CDNF: variants seen among roughly 807,000 people sequenced by gnomAD.
The protein encoded by CDNF is ARMET-like protein 1.
CDNF carries 9 observed loss-of-function variants against 14.8 expected under a neutral mutation model. The observed-to-expected ratio is 0.61, with a 90% CI of 0.37 to 1.06. CDNF has a LOEUF of 1.06. Ranked by LOEUF, CDNF falls within the 50% of genes least tolerant of loss-of-function variation. CDNF has a pLI of 0.01. For synonymous variants in CDNF, 86 were observed against 87.2 expected, an observed-to-expected ratio of 0.99 and a Z score of 0.07; for missense variants, 228 against 228.4, an observed-to-expected ratio of 1.00 and a Z score of 0.01.
Position 14,838,015 on chromosome 10 carries a change from G to C in CDNF, c.-69C>G. ...GCCCACCAAGCTGCCAAAGCGAGCT[G>C]AGCAGAATTCGAGGTTGGAAAGAAT... On this transcript the variant is annotated 5_prime_UTR_variant, in exon 1 of 4. Coordinates refer to ENST00000465530, the MANE Select transcript of CDNF (RefSeq NM_001029954.3). 1.7e-6 allele frequency: 2 copies of C among 1,203,248 alleles called. No homozygotes were observed. The highest frequency in any genetic ancestry group is 2.4e-6 in the Non-Finnish European group (2 of 842,318). 74.5% of individuals were successfully genotyped at this position (1,203,248 alleles called of 1,614,324 possible).
At position 14,829,287 on chromosome 10, in the gene CDNF, A is replaced by G. The variant is rs920537490; in HGVS notation, c.116-1015T>C. ...TGAATGAAGCCCCTTGGTGATCTGCATAAGTCTTTATTTCCATCGTTATGA... is the reference window on the plus strand; with the variant it reads ...TGAATGAAGCCCCTTGGTGATCTGCGTAAGTCTTTATTTCCATCGTTATGA... On this transcript the variant is annotated intron_variant, in intron 1 of 3. Coordinates refer to ENST00000465530, the MANE Select transcript of CDNF (RefSeq NM_001029954.3). Among the ~76,000 whole-genome samples, 6 of 152,354 alleles carry G rather than the reference A, an allele frequency of 3.9e-5. No homozygotes were observed. The South Asian group carries it at 8.3e-4, about 21-fold the overall frequency.
At chr10:14,837,195 G>A (rs1361778179) in intron 1 of CDNF, among the ~76,000 whole-genome samples, 1 of 152,148 alleles carries the variant, frequency 6.6e-6, no homozygotes, top group East Asian at 1.9e-4. Flanking sequence ...AGTGAAGTAC[G>A]CTGATTTTGC....
intron 2 of CDNF, among the ~76,000 whole-genome samples, chr10:14,827,442 A>G (rs988015408): frequency 3.3e-5 from 5 of 152,090 alleles, no homozygotes; most frequent in African/African-American, 1.2e-4. Context: ...TAATGTGATT[A>G]GAAGAAAATA....
chr10:14,837,789 A>T, intron 1 of CDNF, 43 bp downstream of exon 1: 1 of 1,263,820 alleles, frequency 7.9e-7, no homozygotes. Flanking sequence ...GCTGCGCCGC[A>T]GCGCGGGGCC....
At chr10:14,823,463 C>T (rs1833754305) in intron 3 of CDNF, among the ~76,000 whole-genome samples, 2 of 152,196 alleles carry the variant, frequency 1.3e-5, no homozygotes, top group Non-Finnish European at 2.9e-5. Context: ...AAGGTATTCA[C>T]AACAAATTTG....
In CDNF at chr10:14,820,097, C is replaced by A. The variant is rs1353533049; in HGVS notation, c.447G>T (p.Gln149His). The change falls in exon 4 of 4, where the codon CAG (glutamine) becomes CAT (histidine). Residue 149 changes from glutamine to histidine, a missense_variant. Transcript: ENST00000465530. ...LRKMRVAELK[Q>H]ILHSWGEECR... ...ACTCCTCCCCCCAGCTATGCAGGAT[C>A]TGCTTCAGCTCTGCCACTCTCATCT... The A allele has an allele frequency of 6.2e-7, 1 of 1,614,214 alleles. No individual in the cohort carries two copies. Among genetic ancestry groups the A allele is most frequent in the South Asian group, 1.1e-5 (1 of 91,088 alleles).
At chr10:14,826,299 CAGCAGCAGAAGAAGCAGCAGAAGT>C (rs1564313715) in intron 2 of CDNF, among the ~76,000 whole-genome samples, 1 of 147,752 alleles carries the variant, frequency 6.8e-6, no homozygotes. Flanking sequence ...GCAGCAGAAG[CAGCAGCAGAAGAAGCAGCAGAAGT>C]GGAGGAATCA....
rs1833910464 is a variant in CDNF at position 14,837,976 on chromosome 10, C to T, written c.-30G>A. 6.7e-7 allele frequency: 1 copy of T among 1,492,036 alleles called. No homozygotes were observed. The highest frequency in any genetic ancestry group is 9.1e-7 in the Non-Finnish European group (1 of 1,095,664). The allele number at this position is 1,492,036 out of a possible 1,614,324, so 92.4% of individuals were successfully genotyped here. A position where few individuals can be genotyped will look rare whatever the true frequency, so the allele number is the denominator to read the frequency against. On this transcript the variant is annotated 5_prime_UTR_variant, in exon 1 of 4. Transcript: ENST00000465530. ...GGCCAGCAGCTTCAATCGCCTCCGC[C>T]ACCCGCGCCCACCGCCCACCAAGCT...
chr10:14,831,590 T>A (rs930631970), intron 1 of CDNF, among the ~76,000 whole-genome samples: 1 of 151,388 alleles, frequency 6.6e-6, no homozygotes, highest in Non-Finnish European at 1.5e-5. Flanking sequence ...ATATTTTTTT[T>A]CAAGATGGAG....
intron 1 of CDNF, among the ~76,000 whole-genome samples, chr10:14,835,573 C>T (rs1833879479): frequency 6.6e-6 from 1 of 152,078 alleles, no homozygotes; most frequent in Non-Finnish European, 1.5e-5. Context: ...TCTGGGATGT[C>T]TTTATTGCTA....
At chr10:14,833,004 C>A (rs1399536741) in intron 1 of CDNF, among the ~76,000 whole-genome samples, 1 of 151,422 alleles carries the variant, frequency 6.6e-6, no homozygotes, top group African/African-American at 2.4e-5. Context: ...GGATTACAGG[C>A]GCATGTCACC....
intron 1 of CDNF, 115 bp from the exon 2 acceptor site, chr10:14,828,387 C>G (rs3740113): frequency 0.053 from 49,609 of 935,078 alleles, 1,938 homozygotes; most frequent in African/African-American, 0.15. Context: ...GGTGGCTTAC[C>G]CCTGTAATCC....
rs142552299 is a variant in CDNF, at chr10:14,827,145, G to T, written c.243+1000C>A. On this transcript the variant is annotated intron_variant, in intron 2 of 3. Transcript: ENST00000465530. ...GATACTTGGGAAGCTGAGGTGGAAG[G>T]ATCACTTGAACCTGGGAGGTTGAGG... Among the ~76,000 whole-genome samples the T allele has an allele frequency of 2.1e-3, 321 of 152,042 alleles. 3 individuals are homozygous for T. The East Asian group carries it at 0.025, about 12-fold the overall frequency.
chr10:14,823,658 G>T (rs77037926), intron 3 of CDNF, among the ~76,000 whole-genome samples: 1 of 152,098 alleles, frequency 6.6e-6, no homozygotes, highest in African/African-American at 2.4e-5. Context: ...CTCCTGAGTA[G>T]TTAGGACTAT....
intron 1 of CDNF, 56 bp from the exon 2 acceptor site, chr10:14,828,328 T>C (rs1052451085): frequency 6.4e-7 from 1 of 1,562,758 alleles, no homozygotes; most frequent in Non-Finnish European, 8.8e-7. Context: ...ACCACACCTA[T>C]GCATATGACC....
At chr10:14,834,517 A>G (rs573017534) in intron 1 of CDNF, among the ~76,000 whole-genome samples, 21 of 152,266 alleles carry the variant, frequency 1.4e-4, no homozygotes, top group African/African-American at 4.6e-4. Flanking sequence ...CCAATGTATC[A>G]TCTAGGTGAT....
At chr10:14,822,335 A>G (rs950636186) in intron 3 of CDNF, among the ~76,000 whole-genome samples, 1 of 152,254 alleles carries the variant, frequency 6.6e-6, no homozygotes, top group Non-Finnish European at 1.5e-5. Context: ...AAAAAAGCCC[A>G]AAATACAAAA....
At position 14,820,183 on chromosome 10, in the gene CDNF, C is replaced by G. The variant is rs369700961; in HGVS notation, c.386-25G>C. 5.6e-6 allele frequency: 9 copies of G among 1,602,502 alleles called. No individual in the cohort carries two copies. The African/African-American group carries it at 1.2e-4, about 22-fold the overall frequency. On this transcript the variant is annotated intron_variant, in intron 3 of 3. Coordinates refer to ENST00000465530, the MANE Select transcript of CDNF (RefSeq NM_001029954.3). ...TCTAAATGGCAAAAAGGAAAAAAGC[C>G]AATTACAAAATAAATGGAAAAAAAA...
intron 1 of CDNF, 38 bp downstream of exon 1, chr10:14,837,781 TGCGCCGCAGCGCG>T: frequency 8.6e-7 from 1 of 1,161,818 alleles, no homozygotes. Context: ...CGACAGCTGC[TGCGCCGCAGCGCG>T]GGGCCGCCGC....
Sources: gnomAD v4.1 joint callset for allele counts (sites outside exome capture counted in the v4.1 genomes callset) on GRCh38, gnomAD v4.1.1 for gene constraint, MANE v1.5 for transcripts, NCBI Gene and HGNC (gene_info 2026-07-23, HGNC 2026-07-21) for gene names.